The following HNF4G variants were observed in gnomAD, a reference collection of about 807,000 sequenced individuals.
The protein encoded by HNF4G is hepatocyte nuclear factor 4-gamma.
Under a neutral mutation model 50.9 loss-of-function variants are expected in HNF4G, and 21 were observed. The ratio of observed to expected loss-of-function variants is 0.41; its 90% CI spans 0.29 to 0.59. The LOEUF (loss-of-function observed/expected upper bound fraction) is 0.59. HNF4G is among the 20% of genes least tolerant of loss of function. The probability of loss-of-function intolerance (pLI) is 0.26; values close to 1 mark genes in which losing one functional copy is unlikely to be tolerated. For synonymous variants in HNF4G, 198 were observed against 185.6 expected, an observed-to-expected ratio of 1.07 and a Z score of -0.54; for missense variants, 527 against 559.4, an observed-to-expected ratio of 0.94 and a Z score of 0.58.
rs1273792568 is a variant in HNF4G, at chr8:75,543,887, A to G, written c.195A>G (p.Arg65=). The change falls in exon 2 of 10, where the codon AGA becomes AGG. Residue 65 remains arginine (R), a synonymous_variant. Transcript: ENST00000396423. ...GTCTGTGTGCTATCTGTGGGGACAG[A>G]GCAACAGGAAAACACTATGGGGCAT... is the stretch of plus-strand genomic sequence containing the variant. ...VNCLCAICGD[R]ATGKHYGASS... is the part of the protein sequence containing the mutation. 1 of 1,613,856 alleles carries G rather than the reference A, an allele frequency of 6.2e-7. No homozygotes were observed. Among genetic ancestry groups the G allele is most frequent in the Non-Finnish European group, 8.5e-7 (1 of 1,179,834 alleles).
intron 2 of HNF4G, among the ~76,000 whole-genome samples, chr8:75,519,336 T>C (rs1454789818): frequency 6.6e-6 from 1 of 152,224 alleles, no homozygotes; most frequent in Non-Finnish European, 1.5e-5. Flanking sequence ...CCTGTCTTCT[T>C]CTGAGCCCTC....
chr8:75,467,991 C>T (rs777100348), intron 1 of HNF4G, among the ~76,000 whole-genome samples: 4 of 151,862 alleles, frequency 2.6e-5, no homozygotes, highest in African/African-American at 7.2e-5. Flanking sequence ...TAAATGATAT[C>T]GTCATATATA....
intron 2 of HNF4G, among the ~76,000 whole-genome samples, chr8:75,512,632 T>G (rs1261346214): frequency 1.3e-5 from 2 of 151,624 alleles, no homozygotes; most frequent in African/African-American, 4.8e-5. Flanking sequence ...GCCCGGCTAA[T>G]TTTTTGTATT....
At chr8:75,493,862 T>G (rs1271750399) in intron 2 of HNF4G, among the ~76,000 whole-genome samples, 3 of 152,286 alleles carry the variant, frequency 2.0e-5, no homozygotes, top group Admixed American at 6.5e-5. Context: ...GTTTAAAAAT[T>G]TGTCCCAAGC....
rs74827813 is a variant in HNF4G, at chr8:75,519,436, C to T, written c.-23-24375C>T. 7.7e-3 allele frequency among the ~76,000 whole-genome samples: 1,166 copies of T among 152,262 alleles called. 50 individuals carry two copies. In the East Asian group the frequency reaches 0.14, roughly 18 times the overall value. On this transcript the variant is annotated intron_variant, in intron 2 of 10. Transcript: ENST00000354370. Reference sequence around the variant, plus strand: ...AAAGCAGCATCCCACTCTTCCAGTACCAATTTACTGTATTAACCTGTTCTC... The same window carrying T: ...AAAGCAGCATCCCACTCTTCCAGTATCAATTTACTGTATTAACCTGTTCTC...
intron 1 of HNF4G, among the ~76,000 whole-genome samples, chr8:75,483,452 C>T (rs917757188): frequency 1.3e-5 from 2 of 152,122 alleles, no homozygotes; most frequent in African/African-American, 4.8e-5. Flanking sequence ...CCACCCATTC[C>T]ACCCAGAGAA....
chr8:75,433,951 T>C (rs922167128), intron 1 of HNF4G, among the ~76,000 whole-genome samples: 4 of 151,714 alleles, frequency 2.6e-5, no homozygotes, highest in African/African-American at 9.7e-5. Context: ...ATAAGAACCC[T>C]CTAGTTTGAA....
At chr8:75,537,878 T>C (rs1045063240), upstream of HNF4G, among the ~76,000 whole-genome samples, 1 of 152,164 alleles carries the variant, frequency 6.6e-6, no homozygotes, top group African/African-American at 2.4e-5. Flanking sequence ...TAAAGATATA[T>C]CTTTTTATGA....
chr8:75,425,872 C>T (rs1339946809), intron 1 of HNF4G, among the ~76,000 whole-genome samples: 1 of 152,020 alleles, frequency 6.6e-6, no homozygotes, highest in African/African-American at 2.4e-5. Flanking sequence ...ATGTCTTTTA[C>T]TGGACTTGAC....
At chr8:75,522,117 A>G (rs549030329) in intron 2 of HNF4G, among the ~76,000 whole-genome samples, 1 of 152,356 alleles carries the variant, frequency 6.6e-6, no homozygotes, top group Admixed American at 6.5e-5. Context: ...AGCTTTTTCA[A>G]TGAATGACAA....
At chr8:75,475,406 A>G (rs1458698141) in intron 1 of HNF4G, among the ~76,000 whole-genome samples, 2 of 152,194 alleles carry the variant, frequency 1.3e-5, no homozygotes, top group Non-Finnish European at 2.9e-5. Context: ...AATATATGAC[A>G]TTATAGATGT....
At chr8:75,428,237 G>A (rs939313798) in intron 1 of HNF4G, among the ~76,000 whole-genome samples, 2 of 152,084 alleles carry the variant, frequency 1.3e-5, no homozygotes, top group Admixed American at 6.6e-5. Flanking sequence ...AGGCACAACC[G>A]GGGCTTTCCC....
At chr8:75,476,055 T>G (rs574079173) in intron 1 of HNF4G, among the ~76,000 whole-genome samples, 42 of 152,280 alleles carry the variant, frequency 2.8e-4, no homozygotes, top group African/African-American at 8.2e-4. Flanking sequence ...AAATAGTGCA[T>G]ATTGCACCCA....
chr8:75,409,784 G>A (rs780656351), intron 1 of HNF4G, among the ~76,000 whole-genome samples: 6 of 151,900 alleles, frequency 3.9e-5, no homozygotes, highest in Non-Finnish European at 7.4e-5. Context: ...ACCCCACCCG[G>A]CCTGTTTTTA....
rs1182941897 is a variant in HNF4G, at chr8:75,564,861, A to C, written c.*765A>C. On this transcript the variant is annotated 3_prime_UTR_variant, in exon 10 of 10. Transcript: ENST00000396423. Reference sequence around the variant, plus strand: ...TCTTTCTCCTGAAACAATTTAGAAAATAGTTATCCATTGACTAGAAATTAG... The same window carrying C: ...TCTTTCTCCTGAAACAATTTAGAAACTAGTTATCCATTGACTAGAAATTAG... 6.6e-6 allele frequency: 1 copy of C among 152,176 alleles called. No individual in the cohort carries two copies. Among genetic ancestry groups the C allele is most frequent in the Non-Finnish European group, 1.5e-5 (1 of 68,030 alleles). The allele number at this position is 152,176 out of a possible 1,614,324, so 9.4% of individuals were successfully genotyped here.
chr8:75,483,374 T>A (rs1330995606), intron 1 of HNF4G, among the ~76,000 whole-genome samples: 1 of 152,152 alleles, frequency 6.6e-6, no homozygotes, highest in Non-Finnish European at 1.5e-5. Flanking sequence ...TTTCTCTGCA[T>A]CTTTTCTCTT....
At chr8:75,535,884 A>G (rs1328982503), upstream of HNF4G, among the ~76,000 whole-genome samples, 1 of 152,078 alleles carries the variant, frequency 6.6e-6, no homozygotes, top group Non-Finnish European at 1.5e-5. Flanking sequence ...TGAAGAATCA[A>G]TAGTGGATTG....
chr8:75,501,598 A>T (rs2130705900), intron 2 of HNF4G, among the ~76,000 whole-genome samples: 1 of 152,288 alleles, frequency 6.6e-6, no homozygotes, highest in East Asian at 1.9e-4. Context: ...TAGTGTGTAG[A>T]CATTTGGTTC....
chr8:75,549,056 A>G (rs1395799890), intron 3 of HNF4G, among the ~76,000 whole-genome samples: 1 of 152,212 alleles, frequency 6.6e-6, no homozygotes, highest in Admixed American at 6.5e-5. Flanking sequence ...TTATCCCCAC[A>G]AAAGTGTAAG....
Sources: allele counts gnomAD v4.1 joint callset (sites outside exome capture counted in the v4.1 genomes callset), GRCh38; gene constraint gnomAD v4.1.1; transcripts MANE v1.5; gene names NCBI Gene and HGNC (gene_info 2026-07-23, HGNC 2026-07-21).